The following KCNH7 variants were observed in gnomAD, a reference collection of about 807,000 sequenced individuals.
KCNH7 encodes the protein potassium voltage-gated channel subfamily H member 7, also known as voltage-gated inwardly rectifying potassium channel KCNH7.
A neutral mutation model predicts 120.8 loss-of-function variants in KCNH7; 49 were observed. The observed-to-expected ratio is 0.41, with a 90% CI of 0.32 to 0.51. The LOEUF (loss-of-function observed/expected upper bound fraction) is 0.51, where lower values mean the gene tolerates loss of function less well. Ranked by LOEUF, KCNH7 falls within the 20% of genes least tolerant of loss-of-function variation. The pLI is 0.38. For synonymous variants in KCNH7, 547 were observed against 516.1 expected (o/e 1.06, Z -0.81); for missense variants, 1,097 against 1,446.6 (o/e 0.76, Z 3.92).
chr2:162,392,273 C>T (rs1373301794), intron 12 of KCNH7, among the ~76,000 whole-genome samples: 5 of 149,344 alleles, frequency 3.3e-5, no homozygotes, highest in East Asian at 2.0e-4. Flanking sequence ...GGTATGAATT[C>T]GTGTGTGTGT....
intron 2 of KCNH7, among the ~76,000 whole-genome samples, chr2:162,773,758 A>T (rs1013450501): frequency 6.6e-6 from 1 of 152,190 alleles, no homozygotes; most frequent in Non-Finnish European, 1.5e-5. Flanking sequence ...TTATCAAAAA[A>T]CAGTACTTAG....
At chr2:162,473,560 T>A (rs2105654839) in intron 6 of KCNH7, among the ~76,000 whole-genome samples, 3 of 152,186 alleles carry the variant, frequency 2.0e-5, no homozygotes, top group Admixed American at 2.0e-4. Flanking sequence ...GATGAAGAAA[T>A]GAAGAAGGAG....
intron 2 of KCNH7, among the ~76,000 whole-genome samples, chr2:162,537,305 T>C (rs757988590): frequency 2.6e-5 from 4 of 152,054 alleles, no homozygotes; most frequent in Non-Finnish European, 5.9e-5. Flanking sequence ...AGTTACTGCA[T>C]TGTGGAAAAA....
chr2:162,745,410 T>C (rs886455708), intron 2 of KCNH7, among the ~76,000 whole-genome samples: 1 of 152,290 alleles, frequency 6.6e-6, no homozygotes, highest in Middle Eastern at 3.4e-3. Flanking sequence ...GAACCCGTTA[T>C]TTAGAGCAAA....
At chr2:162,649,058 C>G (rs1187419268) in intron 2 of KCNH7, among the ~76,000 whole-genome samples, 4 of 152,104 alleles carry the variant, frequency 2.6e-5, no homozygotes, top group African/African-American at 7.2e-5. Flanking sequence ...TAGGTAATAA[C>G]AGAAGTAATA....
intron 2 of KCNH7, among the ~76,000 whole-genome samples, chr2:162,773,366 C>G (rs1263337829): frequency 6.6e-6 from 1 of 151,952 alleles, no homozygotes; most frequent in East Asian, 1.9e-4. Context: ...CATGCACCTG[C>G]AGTCCTAACT....
chr2:162,706,878 T>C lies in KCNH7; in HGVS notation c.307+129659A>G, dbSNP rs567626181. ...TTGGTCTGGTCATTTAAACCAATACTTTATTTATTACAACGTGTGTAACTG... is the reference window on the plus strand; with the variant it reads ...TTGGTCTGGTCATTTAAACCAATACCTTATTTATTACAACGTGTGTAACTG... On this transcript the variant is annotated intron_variant, in intron 2 of 15. Coordinates refer to ENST00000332142, the MANE Select transcript of KCNH7 (RefSeq NM_033272.4). 3.1e-3 allele frequency among the ~76,000 whole-genome samples: 479 copies of C among 152,258 alleles called. 2 individuals are homozygous for C. Among genetic ancestry groups the C allele is most frequent in the Non-Finnish European group, 5.4e-3 (364 of 68,014 alleles).
intron 6 of KCNH7, among the ~76,000 whole-genome samples, chr2:162,478,708 C>T (rs982431567): frequency 2.0e-5 from 3 of 152,140 alleles, no homozygotes; most frequent in Admixed American, 6.5e-5. Flanking sequence ...TTATGACACA[C>T]TGTATTTCCT....
At chr2:162,654,193 A>C (rs1181562602) in intron 2 of KCNH7, among the ~76,000 whole-genome samples, 2 of 152,034 alleles carry the variant, frequency 1.3e-5, no homozygotes, top group Non-Finnish European at 2.9e-5. Flanking sequence ...GGAAACAATC[A>C]TTAGAGTGAA....
chr2:162,520,155 CTT>C (rs397873711), intron 3 of KCNH7, among the ~76,000 whole-genome samples: 5 of 89,886 alleles, frequency 5.6e-5, no homozygotes, highest in African/African-American at 1.0e-4. Flanking sequence ...CAAGCCCAGG[CTT>C]TTTTTTTTTT....
chr2:162,434,794 T>A (rs1020370150), intron 8 of KCNH7, among the ~76,000 whole-genome samples: 12 of 152,144 alleles, frequency 7.9e-5, no homozygotes, highest in African/African-American at 2.9e-4. Flanking sequence ...ATGGTTAACA[T>A]TTTTTATGTT....
chr2:162,465,833 G>A (rs1223844338), intron 6 of KCNH7, among the ~76,000 whole-genome samples: 5 of 152,052 alleles, frequency 3.3e-5, no homozygotes, highest in African/African-American at 4.8e-5. Flanking sequence ...AGCAGCTATG[G>A]ATCCAAAGGA....
chr2:162,651,509 C>A (rs1684564240), intron 2 of KCNH7, among the ~76,000 whole-genome samples: 1 of 152,074 alleles, frequency 6.6e-6, no homozygotes, highest in East Asian at 1.9e-4. Flanking sequence ...ATAATAGCCT[C>A]CAGCTCCATC....
chr2:162,426,178 C>A (rs867485250), intron 8 of KCNH7, among the ~76,000 whole-genome samples: 6 of 146,732 alleles, frequency 4.1e-5, no homozygotes, highest in African/African-American at 1.3e-4. Context: ...CACGCCACTG[C>A]ACTCCAGCCT....
At chr2:162,807,296 G>A (rs1231374610) in intron 2 of KCNH7, among the ~76,000 whole-genome samples, 6 of 147,008 alleles carry the variant, frequency 4.1e-5, no homozygotes, top group African/African-American at 7.5e-5. Context: ...AATTAGCCAG[G>A]TGTGGTGCTG....
At chr2:162,698,627 A>G (rs1170474610) in intron 2 of KCNH7, among the ~76,000 whole-genome samples, 1 of 152,084 alleles carries the variant, frequency 6.6e-6, no homozygotes, top group East Asian at 1.9e-4. Context: ...CTTCACATCA[A>G]ACAGACCTGT....
chr2:162,587,715 A>G (rs1694063427), intron 2 of KCNH7, among the ~76,000 whole-genome samples: 1 of 152,092 alleles, frequency 6.6e-6, no homozygotes, highest in African/African-American at 2.4e-5. Context: ...AAGCAACAAA[A>G]AAAAGCATCT....
At chr2:162,511,480 C>CAAAAAAAAAAAA (rs34204046) in intron 5 of KCNH7, among the ~76,000 whole-genome samples, 1 of 96,008 alleles carries the variant, frequency 1.0e-5, no homozygotes, top group Non-Finnish European at 2.2e-5. Flanking sequence ...GTGGACAGGT[C>CAAAAAAAAAAAA]AAAAAAAAAA....
intron 2 of KCNH7, among the ~76,000 whole-genome samples, chr2:162,548,410 G>T (rs1354228099): frequency 6.6e-6 from 1 of 152,134 alleles, no homozygotes; most frequent in Non-Finnish European, 1.5e-5. Context: ...AGGGAGAGAT[G>T]TTTCATTTCA....
Sources: gnomAD v4.1 joint callset for allele counts (sites outside exome capture counted in the v4.1 genomes callset) on GRCh38, gnomAD v4.1.1 for gene constraint, MANE v1.5 for transcripts, NCBI Gene and HGNC (gene_info 2026-07-23, HGNC 2026-07-21) for gene names.